VPS13A: variants seen among roughly 807,000 people sequenced by gnomAD.
VPS13A encodes the protein intermembrane lipid transfer protein VPS13A.
In VPS13A, 264 loss-of-function variants were observed where a neutral mutation model predicts 390.9. That is an observed-to-expected ratio of 0.68 (90% CI 0.61 to 0.75). VPS13A has a LOEUF of 0.75. VPS13A is among the 30% of genes least tolerant of loss of function. The pLI is 0.00. For missense variants in VPS13A, 3,409 were observed against 3,733.9 expected, an observed-to-expected ratio of 0.91 and a Z score of 2.27; for synonymous variants, 1,231 against 1,227.1, an observed-to-expected ratio of 1.00 and a Z score of -0.07.
chr9:77,400,196 G>GAATATTTTC (rs1476856781), intron 68 of VPS13A, among the ~76,000 whole-genome samples: 1 of 131,286 alleles, frequency 7.6e-6, no homozygotes, highest in Non-Finnish European at 1.6e-5. Context: ...GAGTTATAGT[G>GAATATTTTC]AATATTTTCT....
rs201655637 is a variant in VPS13A at position 77,356,862 on chromosome 9, G to C, written c.7801G>C (p.Val2601Leu). ...TAAGGTTATTCAGTTGGACACTAATGTTCCGGTAATATTTTTAAGTACTGA... is the reference window on the plus strand; with the variant it reads ...TAAGGTTATTCAGTTGGACACTAATCTTCCGGTAATATTTTTAAGTACTGA... ...EDKVIQLDTNVPVRLTPTGHN... is the reference protein window; with the variant it reads ...EDKVIQLDTNLPVRLTPTGHN... Residue 2601 changes from valine to leucine, a missense_variant, in exon 55 of 72, where the codon GTT (valine) becomes CTT (leucine). By Grantham distance (32) the Val-to-Leu change is conservative. Around this residue, in one of 5 missense-constraint regions of VPS13A, gnomAD observed 221 missense variants for 300.7 expected, o/e 0.73. Transcript: ENST00000360280. The C allele has an allele frequency of 6.2e-7, 1 of 1,613,704 alleles. No homozygotes were observed. Among genetic ancestry groups the C allele is most frequent in the East Asian group, 2.2e-5 (1 of 44,796 alleles).
Position 77,314,558 on chromosome 9 carries a change from A to G in VPS13A, c.4306A>G (p.Ile1436Val). Residue 1436 changes from isoleucine to valine, a missense_variant, in exon 37 of 72, where the codon ATA becomes GTA. Coordinates refer to ENST00000360280, the MANE Select transcript of VPS13A (RefSeq NM_033305.3). ...TGCTGAATTTAAATTGGAGAATATT[A>G]TAAGTACTTTAAAAATGTATACAGA... ...KLAEFKLENI[I>V]STLKMYTDGS... 1 of 1,611,374 alleles carries G rather than the reference A, an allele frequency of 6.2e-7. No individual in the cohort carries two copies. The highest frequency in any genetic ancestry group is 8.5e-7 in the Non-Finnish European group (1 of 1,178,258).
chr9:77,268,453 T>C (rs1313867554), intron 23 of VPS13A, among the ~76,000 whole-genome samples: 5 of 152,188 alleles, frequency 3.3e-5, no homozygotes, highest in African/African-American at 1.2e-4. Flanking sequence ...CCCACTCTGC[T>C]TCAGCTCGCC....
chr9:77,397,012 G>T (rs750468243), intron 68 of VPS13A, among the ~76,000 whole-genome samples: 4 of 151,878 alleles, frequency 2.6e-5, no homozygotes, highest in African/African-American at 9.7e-5. Context: ...TTTTTGAGAC[G>T]GAGTCTCGCT....
chr9:77,290,824 C>T (rs1827609275), intron 31 of VPS13A, among the ~76,000 whole-genome samples: 1 of 152,064 alleles, frequency 6.6e-6, no homozygotes, highest in South Asian at 2.1e-4. Flanking sequence ...TAATAATATT[C>T]ACCATCTATT....
intron 23 of VPS13A, among the ~76,000 whole-genome samples, chr9:77,266,743 T>C (rs1826058090): frequency 6.6e-6 from 1 of 152,172 alleles, no homozygotes; most frequent in South Asian, 2.1e-4. Flanking sequence ...CTGGATAATA[T>C]CCTGAAGAGT....
At chr9:77,382,160 A>G in intron 68 of VPS13A, 73 bp downstream of exon 68, 2 of 1,343,006 alleles carry the variant, frequency 1.5e-6, no homozygotes, top group South Asian at 1.4e-5. Context: ...GCCATTTAAT[A>G]TATATTAAAT....
chr9:77,414,427 A>C (rs1242959607), intron 71 of VPS13A, among the ~76,000 whole-genome samples: 2 of 152,172 alleles, frequency 1.3e-5, no homozygotes, highest in East Asian at 3.9e-4. Context: ...TAATGAGTTC[A>C]TGTCCTTTGT....
intron 1 of VPS13A, among the ~76,000 whole-genome samples, chr9:77,180,609 A>G (rs1417719193): frequency 2.0e-5 from 3 of 152,138 alleles, no homozygotes; most frequent in African/African-American, 4.8e-5. Context: ...GGTGTGTGAT[A>G]TGTGTTGAAG....
At chr9:77,340,739 T>A in intron 50 of VPS13A, 189 bp downstream of exon 50, 2 of 623,368 alleles carry the variant, frequency 3.2e-6, no homozygotes, top group Non-Finnish European at 5.4e-6. Flanking sequence ...AATAATTAGG[T>A]AACTAGGAAT....
chr9:77,315,128 G>C, intron 37 of VPS13A, 125 bp from the exon 38 acceptor site: 1 of 826,358 alleles, frequency 1.2e-6, no homozygotes. Context: ...ATCTTCCCAA[G>C]AGACATGACT....
chr9:77,235,706 T>G (rs563330284), intron 17 of VPS13A, among the ~76,000 whole-genome samples: 1 of 152,300 alleles, frequency 6.6e-6, no homozygotes, highest in Admixed American at 6.5e-5. Context: ...TCTCCCACTT[T>G]AGGCACTGTT....
At chr9:77,391,187 T>A (rs1313211612) in intron 68 of VPS13A, among the ~76,000 whole-genome samples, 2 of 152,186 alleles carry the variant, frequency 1.3e-5, no homozygotes, top group African/African-American at 2.4e-5. Context: ...GAGCTCTACC[T>A]AGTAACTTTC....
intron 1 of VPS13A, among the ~76,000 whole-genome samples, chr9:77,197,863 G>GT (rs1347736476): frequency 2.0e-5 from 3 of 152,196 alleles, no homozygotes; most frequent in African/African-American, 7.2e-5. Flanking sequence ...ACAATCTGTG[G>GT]TTGTTTGGCA....
chr9:77,385,277 A>G (rs560596426), intron 68 of VPS13A: 3 of 575,274 alleles, frequency 5.2e-6, no homozygotes, highest in Non-Finnish European at 6.6e-6. Flanking sequence ...ATGGAAGAGT[A>G]GATAGTAAAA....
chr9:77,280,012 G>GGT, intron 26 of VPS13A, 147 bp from the exon 27 acceptor site: 1 of 573,712 alleles, frequency 1.7e-6, no homozygotes, highest in Non-Finnish European at 3.0e-6. Flanking sequence ...GAACAAAGAA[G>GGT]TAACTTGACT....
In VPS13A at chr9:77,407,578, ATTAAC is replaced by A; in HGVS notation, c.9448_9452del (p.Asn3150GlnfsTer30). 1 of 1,613,066 alleles carries A rather than the reference ATTAAC, an allele frequency of 6.2e-7. No individual in the cohort carries two copies. Among genetic ancestry groups the A allele is most frequent in the Non-Finnish European group, 8.5e-7 (1 of 1,179,236 alleles). On this transcript the variant is annotated frameshift_variant, in exon 71 of 72. Transcript: ENST00000360280. LOFTEE classifies it high-confidence loss of function. Reference sequence around the variant, plus strand: ...TCATGCCAGAGAGTTTGGAAAAATAATTAACTTCAAGACCCCAGAGGATGCCAGGG... The same window carrying A: ...TCATGCCAGAGAGTTTGGAAAAATAATTCAAGACCCCAGAGGATGCCAGGG...
chr9:77,275,457 C>G (rs757855178), intron 24 of VPS13A, 41 bp from the exon 25 acceptor site: 2 of 1,577,072 alleles, frequency 1.3e-6, no homozygotes, highest in Non-Finnish European at 1.7e-6. Context: ...TTAAATTGAT[C>G]ATTTTAATTA....
chr9:77,238,279 T>C lies in VPS13A; in HGVS notation c.1793T>C (p.Val598Ala), dbSNP rs1179095239. 1.9e-5 allele frequency: 30 copies of C among 1,613,472 alleles called. No individual in the cohort carries two copies. Among genetic ancestry groups the C allele is most frequent in the Non-Finnish European group, 2.5e-5 (29 of 1,179,602 alleles). ...PLEIIYDART[V>A]NSIVEFFRPP... Reference sequence around the variant, plus strand: ...TGATGTTTATTTTAACAGAGGACAGTGAATAGTATAGTGGAATTCTTCAGA... The same window carrying C: ...TGATGTTTATTTTAACAGAGGACAGCGAATAGTATAGTGGAATTCTTCAGA... The change falls in exon 19 of 72, where the codon GTG becomes GCG. Residue 598 changes from valine (V) to alanine (A), a missense_variant. By Grantham distance (64) the Val-to-Ala change is moderately conservative. This residue lies in a region of VPS13A where 2,717 missense variants were observed against 2,917.4 expected (regional missense o/e 0.93). Transcript: ENST00000360280.
Sources: gnomAD v4.1 joint callset for allele counts (sites outside exome capture counted in the v4.1 genomes callset) on GRCh38, gnomAD v4.1.1 for gene constraint, gnomAD v4.1.1 regional missense constraint, MANE v1.5 for transcripts, NCBI Gene and HGNC (gene_info 2026-07-23, HGNC 2026-07-21) for gene names.